Variants in RIT2 observed in about 807,000 individuals in gnomAD.
RIT2 encodes GTP-binding protein Rit2.
In RIT2, 24 loss-of-function variants were observed where a neutral mutation model predicts 23.7. That is an observed-to-expected ratio of 1.01 (90% CI 0.73 to 1.43). RIT2 has a LOEUF of 1.43. Ranked by LOEUF, RIT2 falls within the 40% of genes most tolerant of loss-of-function variation. The pLI, the probability that RIT2 is intolerant of heterozygous loss-of-function variation, is 0.00. For missense variants in RIT2, 236 were observed against 266.9 expected (o/e 0.88, Z 0.81); for synonymous variants, 107 against 91.1 (o/e 1.17, Z -0.99).
At chr18:43,062,180 G>C (rs899434014) in intron 1 of RIT2, among the ~76,000 whole-genome samples, 5 of 152,004 alleles carry the variant, frequency 3.3e-5, no homozygotes, top group African/African-American at 1.2e-4. Flanking sequence ...TGTTTTATAT[G>C]AGCCACTATG....
In RIT2 at chr18:43,033,795, G is replaced by T; in HGVS notation, c.160+16C>A. The stretch of plus-strand genomic sequence containing the variant: ...GTCTTTATTTGAGCTTACGGAGAAA[G>T]GAAGCTTCCACTTACCTATAGTAGG... On this transcript the variant is annotated intron_variant, in intron 2 of 4. Transcript: ENST00000326695. 6.3e-7 allele frequency: 1 copy of T among 1,575,874 alleles called. No individual in the cohort carries two copies.
At chr18:42,971,796 C>T (rs796221451) in intron 3 of RIT2, among the ~76,000 whole-genome samples, 2 of 151,956 alleles carry the variant, frequency 1.3e-5, no homozygotes, top group South Asian at 4.1e-4. Flanking sequence ...AGAAGTAGCA[C>T]AAGTACACTT....
intron 2 of RIT2, among the ~76,000 whole-genome samples, chr18:42,999,223 T>G (rs1381520132): frequency 1.3e-5 from 2 of 152,080 alleles, no homozygotes; most frequent in African/African-American, 4.8e-5. Context: ...GCTATGATTT[T>G]TTCATAGGCA....
intron 3 of RIT2, among the ~76,000 whole-genome samples, chr18:42,944,407 T>C (rs1909675573): frequency 6.6e-6 from 1 of 152,104 alleles, no homozygotes; most frequent in Non-Finnish European, 1.5e-5. Flanking sequence ...GTTCAGGGAT[T>C]TATGTTTCCT....
chr18:43,004,060 C>T (rs1270208798), intron 2 of RIT2, among the ~76,000 whole-genome samples: 2 of 151,774 alleles, frequency 1.3e-5, no homozygotes, highest in African/African-American at 4.8e-5. Flanking sequence ...GTTTCACCTG[C>T]CGAAAACAGT....
chr18:42,805,140 G>A (rs568736175), intron 4 of RIT2, among the ~76,000 whole-genome samples: 1 of 152,172 alleles, frequency 6.6e-6, no homozygotes, highest in African/African-American at 2.4e-5. Context: ...CTAAAATTAA[G>A]AATTTTTATC....
chr18:42,909,238 A>G (rs1908703933), intron 4 of RIT2, among the ~76,000 whole-genome samples: 1 of 152,134 alleles, frequency 6.6e-6, no homozygotes, highest in Admixed American at 6.6e-5. Flanking sequence ...ACCAAATATC[A>G]TATGTTCTCA....
chr18:42,838,772 CT>C, intron 4 of RIT2, among the ~76,000 whole-genome samples: 1 of 152,170 alleles, frequency 6.6e-6, no homozygotes, highest in Non-Finnish European at 1.5e-5. Context: ...TGTGGGTTTA[CT>C]TTGATACCCT....
chr18:42,860,747 C>T (rs1343455554), intron 4 of RIT2, among the ~76,000 whole-genome samples: 1 of 152,104 alleles, frequency 6.6e-6, no homozygotes, highest in East Asian at 1.9e-4. Context: ...ATTCTTTATG[C>T]CAGCAGACTA....
chr18:42,862,488 A>T (rs1362775586), intron 4 of RIT2, among the ~76,000 whole-genome samples: 2 of 152,214 alleles, frequency 1.3e-5, no homozygotes, highest in African/African-American at 4.8e-5. Context: ...ATCCAGAGAG[A>T]CAAAAAGATG....
chr18:43,049,099 T>A (rs1912317647), intron 1 of RIT2, among the ~76,000 whole-genome samples: 1 of 152,156 alleles, frequency 6.6e-6, no homozygotes, highest in South Asian at 2.1e-4. Flanking sequence ...GCACTCCAAC[T>A]CTCTGGAGGA....
At chr18:43,075,286 G>T (rs983416400) in intron 1 of RIT2, among the ~76,000 whole-genome samples, 3 of 151,964 alleles carry the variant, frequency 2.0e-5, no homozygotes, top group Non-Finnish European at 4.4e-5. Context: ...ATAAAAATCA[G>T]TTTTTTCACA....
chr18:42,765,863 C>T (rs189928947), intron 4 of RIT2, among the ~76,000 whole-genome samples: 256 of 152,070 alleles, frequency 1.7e-3, no homozygotes, highest in African/African-American at 5.6e-3. Flanking sequence ...GCTGGTCTTT[C>T]CCGTGCTATT....
At chr18:43,045,508 G>A (rs1458397276) in intron 1 of RIT2, among the ~76,000 whole-genome samples, 1 of 152,048 alleles carries the variant, frequency 6.6e-6, no homozygotes, top group East Asian at 1.9e-4. Context: ...TACTTTCATT[G>A]GTTTAGAAGA....
intron 1 of RIT2, among the ~76,000 whole-genome samples, chr18:43,111,981 A>T (rs923325351): frequency 6.6e-6 from 1 of 151,356 alleles, no homozygotes; most frequent in Non-Finnish European, 1.5e-5. Context: ...ATAATTATAA[A>T]AATATAAATA....
In RIT2 at chr18:42,965,711, C is replaced by CTTTTTTTTTTTTTTT. The variant is rs58344278; in HGVS notation, c.234+8348_234+8362dup. Among the ~76,000 whole-genome samples, 21 of 37,780 alleles carry CTTTTTTTTTTTTTTT rather than the reference C, an allele frequency of 5.6e-4. 4 individuals carry two copies. Among genetic ancestry groups the CTTTTTTTTTTTTTTT allele is most frequent in the African/African-American group, 6.6e-4 (7 of 10,614 alleles). 24.8% of individuals were successfully genotyped at this position (37,780 alleles called of 152,430 possible). A position where few individuals can be genotyped will look rare whatever the true frequency, so the allele number is the denominator to read the frequency against. ...GGTAAACAAAGATGTGTACTGATGG[C>CTTTTTTTTTTTTTTT]TTTTTTTTTTTTTTTTTTTTTTTTT... On this transcript the variant is annotated intron_variant, in intron 3 of 4. Transcript: ENST00000326695.
intron 2 of RIT2, among the ~76,000 whole-genome samples, chr18:43,007,332 G>A (rs976731973): frequency 7.3e-5 from 11 of 151,648 alleles, no homozygotes; most frequent in Non-Finnish European, 1.5e-4. Context: ...AAAGAATGGG[G>A]CCAGCATATG....
At chr18:42,862,777 G>C (rs915405647) in intron 4 of RIT2, among the ~76,000 whole-genome samples, 2 of 152,136 alleles carry the variant, frequency 1.3e-5, no homozygotes, top group Non-Finnish European at 2.9e-5. Flanking sequence ...GTTAACATTA[G>C]TGTTTCAGCC....
intron 4 of RIT2, among the ~76,000 whole-genome samples, chr18:42,906,701 T>C (rs1437062006): frequency 6.6e-6 from 1 of 152,226 alleles, no homozygotes; most frequent in Admixed American, 6.5e-5. Context: ...ACAAATGACA[T>C]ACATCATTAA....
Sources: gnomAD v4.1 joint callset for allele counts (sites outside exome capture counted in the v4.1 genomes callset) on GRCh38, gnomAD v4.1.1 for gene constraint, MANE v1.5 for transcripts, NCBI Gene and HGNC (gene_info 2026-07-23, HGNC 2026-07-21) for gene names.